Variants in MECR observed in about 807,000 individuals in gnomAD.
The protein encoded by MECR is mitochondrial trans-2-enoyl-CoA reductase.
Under a neutral mutation model 49.1 loss-of-function variants are expected in MECR, and 37 were observed. The observed-to-expected ratio is 0.75, with a 90% CI of 0.58 to 0.99. The LOEUF (loss-of-function observed/expected upper bound fraction) is 0.99. Ranked by LOEUF, MECR falls within the 50% of genes least tolerant of loss-of-function variation. The pLI is 0.00. For synonymous variants in MECR, 198 were observed against 191.1 expected, an observed-to-expected ratio of 1.04 and a Z score of -0.30; for missense variants, 470 against 479.6, an observed-to-expected ratio of 0.98 and a Z score of 0.19.
In MECR at chr1:29,196,130, C is replaced by T. The variant is rs1182786707; in HGVS notation, c.891+68G>A. 1.9e-6 allele frequency: 3 copies of T among 1,603,988 alleles called. No homozygotes were observed. The African/African-American group carries it at 4.0e-5, about 21-fold the overall frequency. On this transcript the variant is annotated intron_variant, in intron 8 of 9. Transcript: ENST00000263702. ...GCCTAAGCTTAGACAGCTGTCGTGC[C>T]AGGGGATGTGGCCTGGCTGAGGTGT...
chr1:29,168,755 A>T, the MECR span: 1 of 152,224 alleles, frequency 6.6e-6, no homozygotes, highest in African/African-American at 2.4e-5. Context: ...GACCAGCATA[A>T]AGAAGATGAA....
intron 1 of MECR, among the ~76,000 whole-genome samples, chr1:29,228,607 C>T (rs960859143): frequency 2.0e-5 from 3 of 151,996 alleles, no homozygotes; most frequent in South Asian, 2.1e-4. Context: ...TGAGCCATCG[C>T]GCCCGGTTGG....
At chr1:29,197,596 A>T (rs1296107114) in intron 7 of MECR, among the ~76,000 whole-genome samples, 2 of 152,198 alleles carry the variant, frequency 1.3e-5, no homozygotes, top group African/African-American at 4.8e-5. Flanking sequence ...TTTGGGGACA[A>T]CACAAGGTAG....
intron 4 of MECR, among the ~76,000 whole-genome samples, chr1:29,205,904 C>G (rs982899489): frequency 3.3e-5 from 5 of 152,164 alleles, no homozygotes; most frequent in African/African-American, 1.2e-4. Context: ...TCACTCTCCC[C>G]ACTCCCCTTC....
At chr1:29,169,223 C>T in the MECR span, 2 of 152,210 alleles carry the variant, frequency 1.3e-5, no homozygotes, top group Non-Finnish European at 1.5e-5. Flanking sequence ...AGTTGAGTAA[C>T]TTGCCAAGAC....
intron 7 of MECR, among the ~76,000 whole-genome samples, chr1:29,198,642 A>C (rs1411555102): frequency 6.6e-6 from 1 of 151,896 alleles, no homozygotes; most frequent in South Asian, 2.1e-4. Context: ...TTTGAGACAC[A>C]CTGTTTCTCT....
intron 1 of MECR, chr1:29,221,016 T>C: frequency 1.7e-6 from 1 of 602,376 alleles, no homozygotes; most frequent in East Asian, 1.4e-4. Context: ...ACAGTCGAAG[T>C]ATCAGATACT....
At chr1:29,182,549 A>T in the MECR span, among the ~76,000 whole-genome samples, 1 of 144,352 alleles carries the variant, frequency 6.9e-6, no homozygotes, top group Non-Finnish European at 1.5e-5. Context: ...AATCCAACCT[A>T]TTTTTTTTTT....
At chr1:29,181,576 G>C in the MECR span, 2 of 1,344,888 alleles carry the variant, frequency 1.5e-6, no homozygotes, top group African/African-American at 1.5e-5. Flanking sequence ...TCCCTCTCCC[G>C]TCCCCGCGGC....
chr1:29,181,612 C>T, the MECR span: 3 of 1,552,184 alleles, frequency 1.9e-6, no homozygotes, highest in Admixed American at 1.8e-5. Context: ...GGGGTCTGTC[C>T]CCGCCCGGCC....
intron 9 of MECR, 72 bp downstream of exon 9, chr1:29,195,869 G>A (rs575764265): frequency 2.0e-6 from 3 of 1,487,162 alleles, no homozygotes; most frequent in South Asian, 2.3e-5. Context: ...GCTCAGAATA[G>A]CTGGTCATTT....
downstream of MECR, among the ~76,000 whole-genome samples, chr1:29,189,999 C>T (rs1673090456): frequency 6.6e-6 from 1 of 152,170 alleles, no homozygotes; most frequent in South Asian, 2.1e-4. Flanking sequence ...AAAACAGACG[C>T]TTATTTCTCA....
chr1:29,200,930 AGAT>A (rs950061715), intron 6 of MECR, among the ~76,000 whole-genome samples: 7 of 152,170 alleles, frequency 4.6e-5, no homozygotes, highest in African/African-American at 1.7e-4. Context: ...CTGGGACTGC[AGAT>A]GAGTATCATG....
At chr1:29,177,294 T>TC in the MECR span, among the ~76,000 whole-genome samples, 1 of 151,836 alleles carries the variant, frequency 6.6e-6, no homozygotes, top group African/African-American at 2.4e-5. Flanking sequence ...TTTTTTTTTT[T>TC]TTTTGAGACG....
intron 1 of MECR, 22 bp from the exon 2 acceptor site, chr1:29,216,707 G>C: frequency 1.2e-6 from 2 of 1,614,134 alleles, no homozygotes; most frequent in Non-Finnish European, 1.7e-6. Context: ...GCCAAACGGA[G>C]ATGTTCATGT....
rs188980865 is a variant in MECR at position 29,193,684 on chromosome 1, A to C, written c.*338T>G. On this transcript the variant is annotated 3_prime_UTR_variant, in exon 10 of 10. Coordinates refer to ENST00000263702, the MANE Select transcript of MECR (RefSeq NM_016011.5). ...GCCTTTGCACTGCCAGTACCCACCC[A>C]GGCTTTGCTTTCAGGGTGGTCAGAA... is the stretch of plus-strand genomic sequence containing the variant. The C allele has an allele frequency of 2.7e-4, 70 of 257,464 alleles. No homozygotes were observed. Among genetic ancestry groups the C allele is most frequent in the African/African-American group, 1.4e-3 (63 of 44,062 alleles). The allele number at this position is 257,464 out of a possible 1,614,324, so 15.9% of individuals were successfully genotyped here.
the MECR span, among the ~76,000 whole-genome samples, chr1:29,179,908 G>T: frequency 5.3e-5 from 8 of 152,190 alleles, no homozygotes; most frequent in East Asian, 1.3e-3. Flanking sequence ...TTTGGTTGAT[G>T]AATCAGTTTC....
rs1237703050 is a variant in MECR at position 29,230,694 on chromosome 1, C to G, written c.176+37G>C. 3 of 1,551,672 alleles carry G rather than the reference C, an allele frequency of 1.9e-6. No homozygotes were observed. The South Asian group carries it at 3.6e-5, about 18-fold the overall frequency. On this transcript the variant is annotated intron_variant, in intron 1 of 9. Transcript: ENST00000263702. ...GCTCGTGTTAAAGCCTTCCAGAAAC[C>G]CCAGTCCCCTTCCCCGGCTTCGGCG...
At chr1:29,223,412 C>T (rs1681266598) in intron 1 of MECR, 3 of 333,310 alleles carry the variant, frequency 9.0e-6, no homozygotes, top group Middle Eastern at 1.4e-3. Flanking sequence ...GATATCTTTC[C>T]TGCGTTCCAC....
Sources: gnomAD v4.1 joint callset for allele counts (sites outside exome capture counted in the v4.1 genomes callset) on GRCh38, gnomAD v4.1.1 for gene constraint, MANE v1.5 for transcripts, NCBI Gene and HGNC (gene_info 2026-07-23, HGNC 2026-07-21) for gene names.